Variants in GRB14 observed in about 807,000 individuals in gnomAD.
GRB14 encodes the protein growth factor receptor-bound protein 14.
A neutral mutation model predicts 69.1 loss-of-function variants in GRB14; 38 were observed. That is an observed-to-expected ratio of 0.55 (90% CI 0.42 to 0.72). The LOEUF is 0.72. GRB14 is among the 30% of genes least tolerant of loss of function. The pLI, the probability that GRB14 is intolerant of heterozygous loss-of-function variation, is 0.00. For missense variants in GRB14, 666 were observed against 666.1 expected (o/e 1.00, Z 0.00); for synonymous variants, 247 against 241.3 (o/e 1.02, Z -0.22).
intron 5 of GRB14, among the ~76,000 whole-genome samples, chr2:164,523,764 A>G (rs1175611075): frequency 6.6e-6 from 1 of 152,120 alleles, no homozygotes; most frequent in Non-Finnish European, 1.5e-5. Context: ...TGGAGAGAAG[A>G]GGTCAGGGGC....
rs370447064 is a variant in GRB14 at position 164,609,547 on chromosome 2, A to G, written c.324+10140T>C. 2.3e-4 allele frequency among the ~76,000 whole-genome samples: 35 copies of G among 152,288 alleles called. No individual in the cohort carries two copies. In the East Asian group the frequency reaches 6.7e-3, roughly 29 times the overall value. ...GGTGTTTGTACGTGCATTTTCTTTC[A>G]GCTTTTATAGGATTTCTTTGCATTT... On this transcript the variant is annotated intron_variant, in intron 2 of 13. Transcript: ENST00000263915.
chr2:164,532,103 C>T (rs1574278491), intron 3 of GRB14, among the ~76,000 whole-genome samples: 1 of 152,298 alleles, frequency 6.6e-6, no homozygotes, highest in East Asian at 1.9e-4. Context: ...ACAGATATCC[C>T]TCTGGGGATT....
chr2:164,549,610 C>T (rs1434444764), intron 2 of GRB14, among the ~76,000 whole-genome samples: 1 of 152,114 alleles, frequency 6.6e-6, no homozygotes, highest in Admixed American at 6.6e-5. Context: ...CATCTGTAAT[C>T]TCAGCACTTT....
intron 2 of GRB14, among the ~76,000 whole-genome samples, chr2:164,579,033 T>TA (rs764884925): frequency 1.1e-4 from 16 of 151,120 alleles, no homozygotes; most frequent in Admixed American, 4.0e-4. Context: ...GTGTCCAATT[T>TA]AAAAAAAAAC....
chr2:164,551,789 C>G (rs1164232764), intron 2 of GRB14, among the ~76,000 whole-genome samples: 1 of 152,126 alleles, frequency 6.6e-6, no homozygotes, highest in Non-Finnish European at 1.5e-5. Flanking sequence ...CATTTTGTAA[C>G]TTTTTGTTTG....
chr2:164,537,883 A>G (rs988865008), intron 3 of GRB14, among the ~76,000 whole-genome samples: 1 of 152,100 alleles, frequency 6.6e-6, no homozygotes, highest in Admixed American at 6.5e-5. Context: ...AGGCTTCACA[A>G]TGATTTCTGC....
At chr2:164,497,164 C>T (rs1686922487) in intron 11 of GRB14, 47 bp downstream of exon 11, 9 of 1,590,646 alleles carry the variant, frequency 5.7e-6, no homozygotes, top group Non-Finnish European at 6.9e-6. Context: ...CATGTCCTTT[C>T]CATGTCTATC....
intron 2 of GRB14, chr2:164,573,621 T>A: frequency 7.2e-7 from 1 of 1,393,108 alleles, no homozygotes; most frequent in East Asian, 2.5e-5. Flanking sequence ...TTATTTCATC[T>A]TTCTTTAATA....
chr2:164,607,021 A>G (rs1690058779), intron 2 of GRB14, among the ~76,000 whole-genome samples: 1 of 152,242 alleles, frequency 6.6e-6, no homozygotes, highest in Non-Finnish European at 1.5e-5. Flanking sequence ...AAAGAGACAA[A>G]GAACAGAACC....
At chr2:164,497,794 T>TA (rs1167151440) in intron 9 of GRB14, among the ~76,000 whole-genome samples, 1 of 152,222 alleles carries the variant, frequency 6.6e-6, no homozygotes, top group Admixed American at 6.5e-5. Context: ...AAAACAAACT[T>TA]ATCTTTTCAC....
At chr2:164,505,272 C>A (rs923032619) in intron 8 of GRB14, among the ~76,000 whole-genome samples, 4 of 152,094 alleles carry the variant, frequency 2.6e-5, no homozygotes, top group African/African-American at 9.7e-5. Context: ...GAACATTATT[C>A]CAGAAAATAA....
chr2:164,595,280 A>T (rs530936364), intron 2 of GRB14, among the ~76,000 whole-genome samples: 1 of 152,306 alleles, frequency 6.6e-6, no homozygotes, highest in South Asian at 2.1e-4. Flanking sequence ...CTCAGCGCTA[A>T]CAATGGGTAA....
intron 2 of GRB14, among the ~76,000 whole-genome samples, chr2:164,550,568 A>C (rs551235450): frequency 4.1e-4 from 62 of 152,336 alleles, no homozygotes; most frequent in African/African-American, 1.4e-3. Flanking sequence ...CTATTGGAGA[A>C]TATTTACCAG....
At chr2:164,512,292 G>A (rs1687359939) in intron 6 of GRB14, among the ~76,000 whole-genome samples, 1 of 152,146 alleles carries the variant, frequency 6.6e-6, no homozygotes, top group South Asian at 2.1e-4. Context: ...TTAGCCTCCT[G>A]AGTAGCTGGT....
At chr2:164,561,640 T>C (rs1437563933) in intron 2 of GRB14, among the ~76,000 whole-genome samples, 1 of 152,208 alleles carries the variant, frequency 6.6e-6, no homozygotes, top group Non-Finnish European at 1.5e-5. Context: ...CCTCCTGTGC[T>C]AGGTGGAGCA....
In GRB14 at chr2:164,527,083, C is replaced by T. The variant is rs963196285; in HGVS notation, c.534G>A (p.Gly178=). Residue 178 remains glycine, a synonymous_variant, in exon 4 of 14, where the codon GGG becomes GGA. Transcript: ENST00000263915. ...AGTATAGTTTGTTTTCTTCTTCTAT[C>T]CCCCAGTTGGATAGCACTTCAATCA... The part of the protein sequence containing the change: ...ELVIEVLSNW[G]IEEENKLYFR... 8.2e-6 allele frequency: 13 copies of T among 1,586,470 alleles called. No individual in the cohort carries two copies. Among genetic ancestry groups the T allele is most frequent in the Non-Finnish European group, 1.0e-5 (12 of 1,158,642 alleles).
intron 3 of GRB14, among the ~76,000 whole-genome samples, chr2:164,528,768 T>A (rs1023008001): frequency 1.3e-5 from 2 of 152,112 alleles, no homozygotes; most frequent in African/African-American, 4.8e-5. Flanking sequence ...TGAAGTGAAA[T>A]CTCTGGCTAT....
At chr2:164,540,426 T>C (rs1308607545) in intron 3 of GRB14, among the ~76,000 whole-genome samples, 3 of 152,050 alleles carry the variant, frequency 2.0e-5, no homozygotes, top group Non-Finnish European at 2.9e-5. Context: ...CTGGCCAAGA[T>C]AGTGAAACCC....
intron 4 of GRB14, among the ~76,000 whole-genome samples, chr2:164,525,505 G>C (rs1433640417): frequency 6.6e-6 from 1 of 152,044 alleles, no homozygotes. Context: ...TGGAGGTCAG[G>C]ACTTAAACTG....
Sources: allele counts gnomAD v4.1 joint callset (sites outside exome capture counted in the v4.1 genomes callset), GRCh38; gene constraint gnomAD v4.1.1; transcripts MANE v1.5; gene names NCBI Gene and HGNC (gene_info 2026-07-23, HGNC 2026-07-21).